DSCAM: variants seen among roughly 807,000 people sequenced by gnomAD.
The protein encoded by DSCAM is DS cell adhesion molecule.
In DSCAM, 47 loss-of-function variants were observed where a neutral mutation model predicts 217.7. The ratio of observed to expected loss-of-function variants is 0.22; its 90% CI spans 0.17 to 0.28. The LOEUF (loss-of-function observed/expected upper bound fraction) is 0.28. Ranked by LOEUF, DSCAM falls within the 10% of genes least tolerant of loss-of-function variation. DSCAM has a pLI of 1.00. For missense variants in DSCAM, 2,080 were observed against 2,618.3 expected, an observed-to-expected ratio of 0.79 and a Z score of 4.49; for synonymous variants, 1,056 against 1,015.3, an observed-to-expected ratio of 1.04 and a Z score of -0.76.
At chr21:40,583,845 C>T (rs1411878646) in intron 3 of DSCAM, among the ~76,000 whole-genome samples, 2 of 150,602 alleles carry the variant, frequency 1.3e-5, no homozygotes, top group Non-Finnish European at 2.9e-5. Context: ...TACAGGAAAC[C>T]TCTGTACCTT....
rs550977835 is a variant in DSCAM, at chr21:40,432,172, G to A, written c.509-62927C>T. ...AGATCGTGCCATTGCACTTCAGTCC[G>A]GGCAACAGCATGAGACTCTGCCTCA... is the stretch of plus-strand genomic sequence containing the variant. On this transcript the variant is annotated intron_variant, in intron 3 of 32. Transcript: ENST00000400454. Among the ~76,000 whole-genome samples, 219 of 151,840 alleles carry A rather than the reference G, an allele frequency of 1.4e-3. 8 individuals are homozygous for A. The South Asian group carries it at 0.036, about 25-fold the overall frequency.
intron 20 of DSCAM, among the ~76,000 whole-genome samples, chr21:40,112,565 T>C (rs886212723): frequency 3.3e-5 from 5 of 151,952 alleles, no homozygotes; most frequent in African/African-American, 9.7e-5. Flanking sequence ...ATAGCTAAGA[T>C]CAGAGCAGAA....
intron 3 of DSCAM, among the ~76,000 whole-genome samples, chr21:40,371,844 A>T (rs1158846687): frequency 1.3e-5 from 2 of 152,164 alleles, no homozygotes; most frequent in Non-Finnish European, 2.9e-5. Context: ...TGTGGCAATT[A>T]TTTATTTCCT....
intron 3 of DSCAM, among the ~76,000 whole-genome samples, chr21:40,487,222 A>G (rs529427638): frequency 6.1e-4 from 92 of 150,194 alleles, no homozygotes; most frequent in African/African-American, 2.1e-3. Context: ...CCCTCTCTCT[A>G]TAACCTGTAA....
intron 32 of DSCAM, among the ~76,000 whole-genome samples, chr21:40,015,397 C>T (rs2837378): frequency 0.31 from 46,568 of 150,020 alleles, 7,777 homozygotes; most frequent in Middle Eastern, 0.47. Context: ...TTAATTCTAC[C>T]GGCAAAATAT....
chr21:40,371,436 G>A (rs113946083), intron 3 of DSCAM, among the ~76,000 whole-genome samples: 29 of 128,232 alleles, frequency 2.3e-4, no homozygotes, highest in African/African-American at 9.3e-4. Flanking sequence ...AAAAAAAAAA[G>A]ATGATGTATG....
chr21:40,721,371 T>C (rs1035752535), intron 1 of DSCAM, among the ~76,000 whole-genome samples: 2 of 152,176 alleles, frequency 1.3e-5, no homozygotes, highest in Admixed American at 1.3e-4. Context: ...TTTGCAAGCA[T>C]GGATATTAAC....
intron 3 of DSCAM, among the ~76,000 whole-genome samples, chr21:40,371,958 T>C (rs1000214851): frequency 1.3e-5 from 2 of 152,206 alleles, no homozygotes; most frequent in African/African-American, 4.8e-5. Flanking sequence ...CCTTCATTTC[T>C]CAATTTATCT....
intron 32 of DSCAM, among the ~76,000 whole-genome samples, chr21:40,039,074 C>A (rs556859288): frequency 1.3e-5 from 2 of 151,350 alleles, no homozygotes; most frequent in African/African-American, 4.9e-5. Context: ...GCTAGATGAC[C>A]AGTTAGTGGG....
intron 19 of DSCAM, among the ~76,000 whole-genome samples, chr21:40,128,686 C>T (rs1268126381): frequency 2.1e-5 from 3 of 143,114 alleles, no homozygotes; most frequent in Non-Finnish European, 4.5e-5. Context: ...GTGACTCCAG[C>T]CTCATAACCA....
At chr21:40,548,334 G>C (rs1273035307) in intron 3 of DSCAM, among the ~76,000 whole-genome samples, 1 of 152,042 alleles carries the variant, frequency 6.6e-6, no homozygotes, top group East Asian at 1.9e-4. Context: ...CTCCTCCCAA[G>C]GGGGTTCGGC....
chr21:40,721,744 G>GA (rs933675646), intron 1 of DSCAM, among the ~76,000 whole-genome samples: 2 of 151,648 alleles, frequency 1.3e-5, no homozygotes, highest in African/African-American at 4.8e-5. Context: ...ATGAGATACA[G>GA]AAAAAAAATC....
intron 11 of DSCAM, among the ~76,000 whole-genome samples, chr21:40,194,821 T>C (rs1291718108): frequency 1.3e-5 from 2 of 152,140 alleles, no homozygotes; most frequent in Admixed American, 6.5e-5. Flanking sequence ...TGCAGTCATG[T>C]CTCTTTCCCA....
chr21:40,238,183 A>G (rs1277506998), intron 11 of DSCAM, among the ~76,000 whole-genome samples: 1 of 152,174 alleles, frequency 6.6e-6, no homozygotes, highest in East Asian at 1.9e-4. Context: ...GCCTCCAGGA[A>G]TAGAAATATA....
chr21:40,258,520 A>G (rs554796845), intron 11 of DSCAM, among the ~76,000 whole-genome samples: 187 of 152,356 alleles, frequency 1.2e-3, no homozygotes, highest in Non-Finnish European at 2.1e-3. Flanking sequence ...TTTCCTCCCC[A>G]TCTAAATAGG....
chr21:40,817,822 C>A (rs929009240), intron 1 of DSCAM, among the ~76,000 whole-genome samples: 5 of 151,272 alleles, frequency 3.3e-5, no homozygotes, highest in East Asian at 2.0e-4. Context: ...GGTGGCCGGG[C>A]GCGGTGGCTC....
At chr21:40,586,569 C>T (rs1014153528) in intron 3 of DSCAM, among the ~76,000 whole-genome samples, 9 of 152,168 alleles carry the variant, frequency 5.9e-5, no homozygotes, top group African/African-American at 2.2e-4. Context: ...AGTTCAATTC[C>T]GATTCAGGAG....
At chr21:40,516,861 G>C (rs943852402) in intron 3 of DSCAM, among the ~76,000 whole-genome samples, 1 of 147,790 alleles carries the variant, frequency 6.8e-6, no homozygotes, top group Non-Finnish European at 1.5e-5. Flanking sequence ...AGCAAATCCG[G>C]ATACACACAC....
chr21:40,174,391 T>C (rs1475557112), intron 15 of DSCAM, among the ~76,000 whole-genome samples: 2 of 152,176 alleles, frequency 1.3e-5, no homozygotes, highest in Non-Finnish European at 2.9e-5. Context: ...AGCAATCCCT[T>C]CCTCACTAAG....
Sources: gnomAD v4.1 joint callset for allele counts (sites outside exome capture counted in the v4.1 genomes callset) on GRCh38, gnomAD v4.1.1 for gene constraint, MANE v1.5 for transcripts, NCBI Gene and HGNC (gene_info 2026-07-23, HGNC 2026-07-21) for gene names.